The following PGM2L1 variants were observed in gnomAD, a reference collection of about 807,000 sequenced individuals.
PGM2L1 encodes the protein phosphoglucomutase 2 like 1.
A neutral mutation model predicts 73.4 loss-of-function variants in PGM2L1; 35 were observed. The ratio of observed to expected loss-of-function variants is 0.48; its 90% CI spans 0.36 to 0.63. The LOEUF is 0.63. Ranked by LOEUF, PGM2L1 falls within the 30% of genes least tolerant of loss-of-function variation. PGM2L1 has a pLI of 0.00. For missense variants in PGM2L1, 570 were observed against 742.0 expected (o/e 0.77, Z 2.69); for synonymous variants, 225 against 253.8 (o/e 0.89, Z 1.08).
intron 5 of PGM2L1, among the ~76,000 whole-genome samples, chr11:74,359,690 T>C (rs1188620988): frequency 6.6e-6 from 1 of 152,142 alleles, no homozygotes; most frequent in Non-Finnish European, 1.5e-5. Flanking sequence ...AACACTATTA[T>C]ATAGTACCCT....
Position 74,334,154 on chromosome 11 carries a change from C to T in PGM2L1, c.*2498G>A, listed in dbSNP as rs1239046490. On this transcript the variant is annotated 3_prime_UTR_variant, in exon 14 of 14. Transcript: ENST00000298198. Reference sequence around the variant, plus strand: ...ACTTGAGAGAAGAACACTTCAATAACTTTTCACCTTAAGATGACTTAAATG... The same window carrying T: ...ACTTGAGAGAAGAACACTTCAATAATTTTTCACCTTAAGATGACTTAAATG... 6.6e-6 allele frequency: 1 copy of T among 152,196 alleles called. No homozygotes were observed. The highest frequency in any genetic ancestry group is 2.4e-5 in the African/African-American group (1 of 41,450). The allele number at this position is 152,196 out of a possible 1,614,324, so 9.4% of individuals were successfully genotyped here. A position where few individuals can be genotyped will look rare whatever the true frequency, so the allele number is the denominator to read the frequency against.
chr11:74,344,278 T>C (rs1393864762), intron 9 of PGM2L1, among the ~76,000 whole-genome samples: 1 of 152,162 alleles, frequency 6.6e-6, no homozygotes, highest in Non-Finnish European at 1.5e-5. Flanking sequence ...TTACTCTCCC[T>C]GAGTAATCAA....
intron 7 of PGM2L1, 61 bp from the exon 8 acceptor site, chr11:74,346,890 C>A: frequency 7.8e-7 from 1 of 1,275,776 alleles, no homozygotes; most frequent in South Asian, 1.2e-5. Context: ...TGTTAACGTT[C>A]CTGTATGTAG....
chr11:74,354,737 G>A, intron 5 of PGM2L1: 1 of 1,048,902 alleles, frequency 9.5e-7, no homozygotes, highest in Non-Finnish European at 1.5e-6. Flanking sequence ...CAAACACCAG[G>A]TGCCCACTTA....
intron 5 of PGM2L1, among the ~76,000 whole-genome samples, chr11:74,360,975 G>C (rs1862553823): frequency 6.6e-6 from 1 of 152,232 alleles, no homozygotes; most frequent in Admixed American, 6.5e-5. Context: ...TCTGGGGTCA[G>C]GGCATAGCCA....
At chr11:74,351,704 T>A (rs1226166200) in intron 5 of PGM2L1, 128 bp from the exon 6 acceptor site, 1 of 770,104 alleles carries the variant, frequency 1.3e-6, no homozygotes, top group Non-Finnish European at 2.0e-6. Context: ...GGCTCACGCC[T>A]GTAATCTCAG....
chr11:74,395,549 C>CCTTTTTTTT (rs1218218679), intron 1 of PGM2L1, among the ~76,000 whole-genome samples: 2 of 64,944 alleles, frequency 3.1e-5, no homozygotes, highest in Middle Eastern at 0.013. Flanking sequence ...CCTCGCCTGG[C>CCTTTTTTTT]TTTTTTTTTT....
intron 8 of PGM2L1, among the ~76,000 whole-genome samples, chr11:74,346,343 G>A (rs1355210934): frequency 6.1e-5 from 9 of 147,134 alleles, no homozygotes; most frequent in Admixed American, 1.4e-4. Flanking sequence ...ATCATAAAGC[G>A]ATCTGTTGGG....
At chr11:74,366,580 T>A (rs1357256146) in intron 5 of PGM2L1, among the ~76,000 whole-genome samples, 2 of 151,806 alleles carry the variant, frequency 1.3e-5, no homozygotes, top group Non-Finnish European at 2.9e-5. Context: ...AAGGAAGCAC[T>A]ATCTGAGTAG....
intron 1 of PGM2L1, among the ~76,000 whole-genome samples, chr11:74,387,841 C>A (rs1008628049): frequency 6.6e-6 from 1 of 152,136 alleles, no homozygotes; most frequent in Non-Finnish European, 1.5e-5. Context: ...ACTAATAATA[C>A]AGATAAAGCT....
chr11:74,349,734 T>C (rs1032025536), intron 6 of PGM2L1, among the ~76,000 whole-genome samples: 6 of 152,194 alleles, frequency 3.9e-5, no homozygotes, highest in African/African-American at 1.4e-4. Flanking sequence ...AATTTTAAAA[T>C]TATTTTATTT....
chr11:74,368,844 T>G, intron 4 of PGM2L1, among the ~76,000 whole-genome samples: 1 of 152,200 alleles, frequency 6.6e-6, no homozygotes, highest in East Asian at 1.9e-4. Flanking sequence ...TTTCCTTATA[T>G]ATTCATTAAG....
chr11:74,359,166 A>G (rs996171794), intron 5 of PGM2L1, among the ~76,000 whole-genome samples: 3 of 152,246 alleles, frequency 2.0e-5, no homozygotes, highest in African/African-American at 7.2e-5. Context: ...AAATCTATAT[A>G]GATGAATCAT....
At chr11:74,352,151 G>A (rs1862368090) in intron 5 of PGM2L1, among the ~76,000 whole-genome samples, 1 of 151,736 alleles carries the variant, frequency 6.6e-6, no homozygotes, top group Non-Finnish European at 1.5e-5. Flanking sequence ...AACAATATGA[G>A]TAAAATACAA....
At position 74,398,284 on chromosome 11, in the gene PGM2L1, AC is replaced by A. The variant is rs1863213909; in HGVS notation, c.-124del. 1.5e-6 allele frequency: 2 copies of A among 1,371,470 alleles called. No homozygotes were observed. 85.0% of individuals were successfully genotyped at this position (1,371,470 alleles called of 1,614,324 possible). On this transcript the variant is annotated 5_prime_UTR_variant, in exon 1 of 14. Transcript: ENST00000298198. ...CCTCACTGAAGGGCATCGGAGACCA[AC>A]CGCAGGGTGTTCGTAACAGCTCCTG... is the stretch of plus-strand genomic sequence containing the variant.
chr11:74,396,606 G>A (rs1863180565), intron 1 of PGM2L1, among the ~76,000 whole-genome samples: 2 of 152,104 alleles, frequency 1.3e-5, no homozygotes, highest in South Asian at 4.2e-4. Context: ...AGTAGAGACG[G>A]GGTTTCACCA....
At position 74,376,090 on chromosome 11, in the gene PGM2L1, A is replaced by C. The variant is rs1862849055; in HGVS notation, c.112-1508T>G. 2.0e-5 allele frequency among the ~76,000 whole-genome samples: 3 copies of C among 152,324 alleles called. No individual in the cohort carries two copies. In the South Asian group the frequency reaches 6.2e-4, roughly 32 times the overall value. ...TACAGTGCTTTTACAGCAAGTATCAAATTTTAAATTGCACATGCCTTTTGG... is the reference window on the plus strand; with the variant it reads ...TACAGTGCTTTTACAGCAAGTATCACATTTTAAATTGCACATGCCTTTTGG... On this transcript the variant is annotated intron_variant, in intron 1 of 13. Transcript: ENST00000298198.
In PGM2L1 at chr11:74,343,400, A is replaced by G; in HGVS notation, c.1235T>C (p.Phe412Ser). Residue 412 changes from phenylalanine (F) to serine (S), a missense_variant, in exon 10 of 14, where the codon TTT (phenylalanine) becomes TCT (serine). Coordinates refer to ENST00000298198, the MANE Select transcript of PGM2L1 (RefSeq NM_173582.6). ...TATTATCCTACTTCCAATCCATTTA[A>G]AACCTGGTAATGTTTCCTGAAATGC... is the stretch of plus-strand genomic sequence containing the variant. Reference protein sequence around the residue: ...GFHFEETLPGFKWIGSRIIDL... With the variant: ...GFHFEETLPGSKWIGSRIIDL... 6.2e-7 allele frequency: 1 copy of G among 1,607,242 alleles called. No individual in the cohort carries two copies.
intron 5 of PGM2L1, chr11:74,354,826 G>A (rs979555352): frequency 1.1e-6 from 1 of 922,850 alleles, no homozygotes; most frequent in African/African-American, 1.6e-5. Context: ...TGAACAGTAT[G>A]GGAAAAAAAT....
Sources: allele counts gnomAD v4.1 joint callset (sites outside exome capture counted in the v4.1 genomes callset), GRCh38; gene constraint gnomAD v4.1.1; transcripts MANE v1.5; gene names NCBI Gene and HGNC (gene_info 2026-07-23, HGNC 2026-07-21).